Variants in CSRNP2 observed in about 807,000 individuals in gnomAD.
CSRNP2 encodes cysteine/serine-rich nuclear protein 2.
In CSRNP2, 11 loss-of-function variants were observed where a neutral mutation model predicts 36.6. That is an observed-to-expected ratio of 0.30 (90% CI 0.19 to 0.50). The LOEUF (loss-of-function observed/expected upper bound fraction) is 0.50. Ranked by LOEUF, CSRNP2 falls within the 20% of genes least tolerant of loss-of-function variation. CSRNP2 has a pLI of 0.98. For synonymous variants in CSRNP2, 248 were observed against 275.3 expected (o/e 0.90, Z 0.98); for missense variants, 483 against 691.4 (o/e 0.70, Z 3.38).
chr12:51,076,988 C>T (rs1939427467), intron 1 of CSRNP2, among the ~76,000 whole-genome samples: 1 of 143,232 alleles, frequency 7.0e-6, no homozygotes, highest in South Asian at 2.2e-4. Context: ...TCCAAGGCAC[C>T]AGTGAGAAGA....
Position 51,063,579 on chromosome 12 carries a change from T to C in CSRNP2, c.*167A>G. The C allele has an allele frequency of 1.8e-6, 1 of 569,462 alleles. No individual in the cohort carries two copies. Among genetic ancestry groups the C allele is most frequent in the Non-Finnish European group, 3.0e-6 (1 of 337,440 alleles). The allele number at this position is 569,462 out of a possible 1,614,324, so 35.3% of individuals were successfully genotyped here. On this transcript the variant is annotated 3_prime_UTR_variant, in exon 5 of 5. Coordinates refer to ENST00000228515, the MANE Select transcript of CSRNP2 (RefSeq NM_030809.3). Reference sequence around the variant, plus strand: ...GTAGGGCTGGTCTCCTTGGTACTGTTTCCCTTTTAAAAAATACTCAAACAA... The same window carrying C: ...GTAGGGCTGGTCTCCTTGGTACTGTCTCCCTTTTAAAAAATACTCAAACAA...
intron 4 of CSRNP2, among the ~76,000 whole-genome samples, chr12:51,065,002 T>G (rs1937993011): frequency 6.6e-6 from 1 of 152,172 alleles, no homozygotes; most frequent in Admixed American, 6.5e-5. Context: ...GAGATACTTC[T>G]CTGAATGCTG....
At chr12:51,079,122 G>T (rs1320003706) in intron 1 of CSRNP2, among the ~76,000 whole-genome samples, 1 of 152,004 alleles carries the variant, frequency 6.6e-6, no homozygotes, top group Non-Finnish European at 1.5e-5. Flanking sequence ...CTATCTCAAG[G>T]ACAGAAAACC....
At chr12:51,075,327 G>A (rs1157080012) in intron 2 of CSRNP2, among the ~76,000 whole-genome samples, 1 of 151,988 alleles carries the variant, frequency 6.6e-6, no homozygotes, top group Non-Finnish European at 1.5e-5. Flanking sequence ...GCCCAGGCTG[G>A]TCTTGAACTC....
rs1175282119 is a variant in CSRNP2 at position 51,064,049 on chromosome 12, GAA to G, written c.1327_1328del (p.Phe443ProfsTer20). 6.2e-7 allele frequency: 1 copy of G among 1,614,114 alleles called. No homozygotes were observed. The highest frequency in any genetic ancestry group is 1.3e-5 in the African/African-American group (1 of 74,934). ...AGACATTCAGATCCTTCTCCTTTGG[GAA>G]AGAGGCTGAGCCTTCTTCCGTACCA... The part of the protein sequence containing the change: ...EPGTEEGSAS[F>X]PKEKDLNVFS... On this transcript the variant is annotated frameshift_variant, in exon 5 of 5. Transcript: ENST00000228515. LOFTEE classifies it high-confidence loss of function.
intron 3 of CSRNP2, among the ~76,000 whole-genome samples, chr12:51,069,854 C>T (rs970480515): frequency 1.3e-5 from 2 of 151,524 alleles, no homozygotes; most frequent in Non-Finnish European, 2.9e-5. Context: ...CACCACGCCT[C>T]GCTAATTTTT....
At position 51,063,759 on chromosome 12, in the gene CSRNP2, G is replaced by T. The variant is rs757512573; in HGVS notation, c.1619C>A (p.Pro540His). The T allele has an allele frequency of 1.1e-5, 17 of 1,562,306 alleles. No individual in the cohort carries two copies. The highest frequency in any genetic ancestry group is 1.4e-5 in the Non-Finnish European group (16 of 1,153,928). Residue 540 changes from proline (P) to histidine (H), a missense_variant, in exon 5 of 5, where the codon CCT becomes CAT. By Grantham distance (77) the Pro-to-His change is moderately conservative. Transcript: ENST00000228515. ...RPPEDSSLEL[P>H]LAV ...CTCTAGCGCCTGTCACACTGCCAGA[G>T]GGAGTTCTAAGGAAGAATCTTCAGG... is the stretch of plus-strand genomic sequence containing the variant.
intron 1 of CSRNP2, chr12:51,081,567 T>C (rs896773963): frequency 1.3e-5 from 2 of 152,160 alleles, no homozygotes; most frequent in Non-Finnish European, 2.9e-5. Flanking sequence ...TTGGAGAAAA[T>C]AATGCAACTC....
intron 1 of CSRNP2, among the ~76,000 whole-genome samples, chr12:51,078,474 A>G (rs535467709): frequency 1.3e-5 from 2 of 152,306 alleles, no homozygotes; most frequent in African/African-American, 4.8e-5. Flanking sequence ...TTAGTTCTTC[A>G]TGTTACTGAT....
In CSRNP2 at chr12:51,073,953, C is replaced by A. The variant is rs1939290134; in HGVS notation, c.281G>T (p.Gly94Val). ...TACAGAGTTATGGCGCTGGGCCATG[C>A]CCAGAGAGCTACCACCCTGGCTGGG... is the stretch of plus-strand genomic sequence containing the variant. Reference protein sequence around the residue: ...SVPSQGGSSLGMAQRHNSVRS... With the variant: ...SVPSQGGSSLVMAQRHNSVRS... Residue 94 changes from glycine (G) to valine (V), a missense_variant, in exon 3 of 5, where the codon GGC (glycine) becomes GTC (valine). Gly to Val is a moderately radical substitution (Grantham distance 109). Coordinates refer to ENST00000228515, the MANE Select transcript of CSRNP2 (RefSeq NM_030809.3). 6.2e-7 allele frequency: 1 copy of A among 1,614,124 alleles called. No homozygotes were observed.
chr12:51,070,170 T>C (rs1384498460), intron 3 of CSRNP2, among the ~76,000 whole-genome samples: 2 of 152,180 alleles, frequency 1.3e-5, no homozygotes, highest in Admixed American at 6.6e-5. Flanking sequence ...GAAAGCCACG[T>C]GACTGGAGCC....
rs1336929230 is a variant in CSRNP2 at position 51,061,612 on chromosome 12, C to T, written c.*2134G>A. ...AAAAGTTTGGGATCAGTGTGAGTCA[C>T]AACTGTAGCGTTAATGAAGGGGATG... On this transcript the variant is annotated 3_prime_UTR_variant, in exon 5 of 5. Transcript: ENST00000228515. 1 of 152,608 alleles carries T rather than the reference C, an allele frequency of 6.6e-6. No individual in the cohort carries two copies. Among genetic ancestry groups the T allele is most frequent in the Non-Finnish European group, 1.5e-5 (1 of 68,030 alleles). 9.5% of individuals were successfully genotyped at this position (152,608 alleles called of 1,614,324 possible). A position where few individuals can be genotyped will look rare whatever the true frequency, so the allele number is the denominator to read the frequency against.
At chr12:51,074,408 T>C (rs574084148) in intron 2 of CSRNP2, among the ~76,000 whole-genome samples, 2 of 152,304 alleles carry the variant, frequency 1.3e-5, no homozygotes, top group South Asian at 4.1e-4. Context: ...TGAGCCACCA[T>C]GCCTGGCCGA....
intron 4 of CSRNP2, 51 bp from the exon 5 acceptor site, chr12:51,064,720 A>T (rs747120797): frequency 7.0e-7 from 1 of 1,436,620 alleles, no homozygotes; most frequent in Non-Finnish European, 9.3e-7. Flanking sequence ...AATCCTAACA[A>T]TGGAGACAGG....
intron 1 of CSRNP2, chr12:51,082,541 A>T (rs1354266780): frequency 6.6e-6 from 1 of 152,236 alleles, no homozygotes; most frequent in African/African-American, 2.4e-5. Flanking sequence ...AAACTGCAGG[A>T]CAAGGGGACA....
chr12:51,081,480 C>T (rs1369422106), intron 1 of CSRNP2: 1 of 152,182 alleles, frequency 6.6e-6, no homozygotes, highest in East Asian at 1.9e-4. Flanking sequence ...AAGAGATACA[C>T]TTGTAAGTTT....
chr12:51,074,314 G>A (rs950672027), intron 2 of CSRNP2, among the ~76,000 whole-genome samples: 2 of 151,928 alleles, frequency 1.3e-5, no homozygotes, highest in Admixed American at 1.3e-4. Context: ...ATGGGGTTTC[G>A]CCATGTTGAC....
At position 51,067,540 on chromosome 12, in the gene CSRNP2, G is replaced by A; in HGVS notation, c.708+133C>T. 4 of 790,738 alleles carry A rather than the reference G, an allele frequency of 5.1e-6. No individual in the cohort carries two copies. In the South Asian group the frequency reaches 5.2e-5, roughly 10 times the overall value. The allele number at this position is 790,738 out of a possible 1,614,324, so 49.0% of individuals were successfully genotyped here. ...TTTGCTTACTCTGTTGACGGAGGAG[G>A]GTTGTGGAACTGGAGAGTGTTCACA... On this transcript the variant is annotated intron_variant, in intron 4 of 4. Transcript: ENST00000228515. This position sits in a 1 kb window ranked among gnomAD's most constrained non-coding sequence, Gnocchi z 4.1.
At chr12:51,076,992 G>A (rs975215195) in intron 1 of CSRNP2, among the ~76,000 whole-genome samples, 21 of 144,878 alleles carry the variant, frequency 1.4e-4, no homozygotes, top group East Asian at 4.0e-4. Flanking sequence ...AGGCACCAGT[G>A]AGAAGAACTT....
Sources: gnomAD v4.1 joint callset for allele counts (sites outside exome capture counted in the v4.1 genomes callset) on GRCh38, gnomAD v4.1.1 for gene constraint, Gnocchi (gnomAD v3.1) non-coding constraint, MANE v1.5 for transcripts, NCBI Gene and HGNC (gene_info 2026-07-23, HGNC 2026-07-21) for gene names.